The following ADAMTSL1 variants were observed in gnomAD, a reference collection of about 807,000 sequenced individuals.
ADAMTSL1 encodes the protein ADAMTS-like protein 1.
ADAMTSL1 carries 126 observed loss-of-function variants against 201.8 expected under a neutral mutation model. The ratio of observed to expected loss-of-function variants is 0.62; its 90% confidence interval spans 0.54 to 0.72. The LOEUF is 0.72. ADAMTSL1 is among the 30% of genes least tolerant of loss of function. The pLI is 0.00. For missense variants in ADAMTSL1, 2,679 were observed against 2,277.8 expected (o/e 1.18, Z -3.59); for synonymous variants, 1,121 against 903.4 (o/e 1.24, Z -4.32).
At chr9:18,784,809 C>A (rs555347794) in intron 19 of ADAMTSL1, among the ~76,000 whole-genome samples, 1 of 152,044 alleles carries the variant, frequency 6.6e-6, no homozygotes. Flanking sequence ...CCAATTTTAC[C>A]GATATTGGAG....
chr9:18,122,011 T>C (rs1825521425), intron 1 of ADAMTSL1, among the ~76,000 whole-genome samples: 1 of 152,180 alleles, frequency 6.6e-6, no homozygotes, highest in South Asian at 2.1e-4. Flanking sequence ...ATTCTATTTA[T>C]ATAAAATATC....
At chr9:17,945,849 GA>G (rs1827446345) in intron 1 of ADAMTSL1, among the ~76,000 whole-genome samples, 1 of 149,150 alleles carries the variant, frequency 6.7e-6, no homozygotes, top group Non-Finnish European at 1.5e-5. Context: ...ATAGCTTTAG[GA>G]GATATACCTA....
At chr9:18,333,484 A>G (rs542890637) in intron 2 of ADAMTSL1, among the ~76,000 whole-genome samples, 1 of 152,182 alleles carries the variant, frequency 6.6e-6, no homozygotes, top group Non-Finnish European at 1.5e-5. Flanking sequence ...TTTATTTATA[A>G]ATTATGCAGT....
At chr9:18,662,282 T>C (rs1227693650) in intron 9 of ADAMTSL1, among the ~76,000 whole-genome samples, 1 of 152,206 alleles carries the variant, frequency 6.6e-6, no homozygotes, top group Non-Finnish European at 1.5e-5. Flanking sequence ...GTCTACAGAC[T>C]CCCCTTTTAT....
intron 1 of ADAMTSL1, among the ~76,000 whole-genome samples, chr9:17,964,723 A>G (rs538050364): frequency 2.0e-5 from 3 of 152,322 alleles, no homozygotes; most frequent in South Asian, 2.1e-4. Context: ...GAAAGGGCAC[A>G]TGGGATTTCT....
intron 13 of ADAMTSL1, among the ~76,000 whole-genome samples, chr9:18,696,402 G>A (rs1247092349): frequency 6.6e-6 from 1 of 152,188 alleles, no homozygotes; most frequent in Non-Finnish European, 1.5e-5. Context: ...GGGGGAAAAT[G>A]GTGGGAGATG....
chr9:18,145,327 A>G (rs1352800084), intron 1 of ADAMTSL1, among the ~76,000 whole-genome samples: 12 of 152,184 alleles, frequency 7.9e-5, no homozygotes, highest in Admixed American at 6.6e-4. Context: ...GCAGGAGCTT[A>G]TTTGGTAACT....
intron 1 of ADAMTSL1, among the ~76,000 whole-genome samples, chr9:18,099,678 C>T (rs1824432842): frequency 1.4e-5 from 2 of 146,724 alleles, no homozygotes; most frequent in African/African-American, 5.1e-5. Flanking sequence ...CGCTCTGTTG[C>T]CCAGACTTGA....
At chr9:18,238,936 T>C (rs1041265611) in intron 2 of ADAMTSL1, among the ~76,000 whole-genome samples, 11 of 152,340 alleles carry the variant, frequency 7.2e-5, no homozygotes, top group East Asian at 1.9e-4. Flanking sequence ...ACAAAGTTAA[T>C]ATCACAATAA....
chr9:18,714,143 A>G (rs1394097745), intron 14 of ADAMTSL1, among the ~76,000 whole-genome samples: 1 of 152,264 alleles, frequency 6.6e-6, no homozygotes, highest in Non-Finnish European at 1.5e-5. Context: ...CACAAGAGAA[A>G]GCACAAAAGA....
In ADAMTSL1 at chr9:17,911,316, C is replaced by A. The variant is rs1304875136; in HGVS notation, c.87+4394C>A. On this transcript the variant is annotated intron_variant, in intron 1 of 29. Transcript: ENST00000680146. ...GCATGATCCTATTACCTTAATTGCT[C>A]CCAGATAAGGAAATGCTTAATCAAC... 1.5e-4 allele frequency among the ~76,000 whole-genome samples: 10 copies of A among 68,436 alleles called. 3 individuals are homozygous for A. Among genetic ancestry groups the A allele is most frequent in the African/African-American group, 2.9e-4 (10 of 33,924 alleles). The allele number at this position is 68,436 out of a possible 152,430, so 44.9% of individuals were successfully genotyped here.
intron 1 of ADAMTSL1, among the ~76,000 whole-genome samples, chr9:18,008,575 G>T (rs1398143889): frequency 6.6e-6 from 1 of 151,892 alleles, no homozygotes; most frequent in African/African-American, 2.4e-5. Flanking sequence ...AGCCACTCAG[G>T]TAGGCAGTGG....
At chr9:18,248,653 T>A (rs1454796789) in intron 2 of ADAMTSL1, among the ~76,000 whole-genome samples, 5 of 152,156 alleles carry the variant, frequency 3.3e-5, no homozygotes, top group Non-Finnish European at 5.9e-5. Flanking sequence ...GGACTAGGAT[T>A]CTTCCACGTG....
chr9:18,081,918 A>C (rs1373954810), intron 1 of ADAMTSL1, among the ~76,000 whole-genome samples: 2 of 152,204 alleles, frequency 1.3e-5, no homozygotes, highest in African/African-American at 4.8e-5. Context: ...AACATTTTAT[A>C]TGCACTTATG....
chr9:18,771,942 A>G (rs1220793728), intron 17 of ADAMTSL1, among the ~76,000 whole-genome samples: 3 of 152,192 alleles, frequency 2.0e-5, no homozygotes, highest in Non-Finnish European at 2.9e-5. Flanking sequence ...GTTAACTTAC[A>G]TTACGACAGG....
chr9:18,514,582 G>A (rs969100796), intron 2 of ADAMTSL1, among the ~76,000 whole-genome samples: 1 of 151,924 alleles, frequency 6.6e-6, no homozygotes, highest in African/African-American at 2.4e-5. Context: ...CGCCCGCCTC[G>A]GCCTCCCAAA....
intron 1 of ADAMTSL1, among the ~76,000 whole-genome samples, chr9:17,925,906 G>A (rs548717265): frequency 6.6e-6 from 1 of 151,028 alleles, no homozygotes; most frequent in Non-Finnish European, 1.5e-5. Flanking sequence ...GACACTTGAC[G>A]AAATGGAGAA....
At chr9:18,505,784 G>A (rs1360532117) in intron 2 of ADAMTSL1, among the ~76,000 whole-genome samples, 1 of 152,118 alleles carries the variant, frequency 6.6e-6, no homozygotes, top group Non-Finnish European at 1.5e-5. Context: ...TTATAAAACG[G>A]GAAACAGAAA....
At chr9:18,519,772 A>G (rs1253992788) in intron 2 of ADAMTSL1, among the ~76,000 whole-genome samples, 2 of 152,180 alleles carry the variant, frequency 1.3e-5, no homozygotes, top group African/African-American at 4.8e-5. Flanking sequence ...CACTTTCCGC[A>G]TTGGAGTGCT....
Sources: allele counts gnomAD v4.1 joint callset (sites outside exome capture counted in the v4.1 genomes callset), GRCh38; gene constraint gnomAD v4.1.1; transcripts MANE v1.5; gene names NCBI Gene and HGNC (gene_info 2026-07-23, HGNC 2026-07-21).